The following ARHGEF11 variants were observed in gnomAD, a reference collection of about 807,000 sequenced individuals.
The protein encoded by ARHGEF11 is Rho guanine exchange factor (GEF) 11.
Under a neutral mutation model 193.7 loss-of-function variants are expected in ARHGEF11, and 55 were observed. That is an observed-to-expected ratio of 0.28 (90% CI 0.23 to 0.36). The LOEUF is 0.36. Ranked by LOEUF, ARHGEF11 falls within the 10% of genes least tolerant of loss-of-function variation. ARHGEF11 has a pLI of 1.00. For missense variants in ARHGEF11, 1,723 were observed against 2,005.6 expected (o/e 0.86, Z 2.69); for synonymous variants, 693 against 768.0 (o/e 0.90, Z 1.62).
intron 4 of ARHGEF11, 78 bp downstream of exon 4, chr1:156,980,359 A>G: frequency 1.3e-6 from 2 of 1,527,794 alleles, no homozygotes; most frequent in Non-Finnish European, 1.8e-6. Flanking sequence ...GAAAGTGTGC[A>G]GGATGGGCCA....
In ARHGEF11 at chr1:157,045,234, C is replaced by A. The variant is rs3806422; in HGVS notation, c.-904G>T. The A allele has an allele frequency of 0.18, 27,120 of 152,114 alleles. 2,993 individuals are homozygous for A. The highest frequency in any genetic ancestry group is 0.43 in the East Asian group (2,232 of 5,166). The allele number at this position is 152,114 out of a possible 1,614,324, so 9.4% of individuals were successfully genotyped here. ...TTGCAGGTTCCTCCACCTACCCCAG[C>A]CTGATTCTCAGACCCAGCCTACGTT... On this transcript the variant is annotated 5_prime_UTR_variant, in exon 1 of 41. Coordinates refer to ENST00000368194, the MANE Select transcript of ARHGEF11 (RefSeq NM_198236.3).
chr1:157,012,260 T>C (rs1008189882), intron 1 of ARHGEF11, among the ~76,000 whole-genome samples: 4 of 152,176 alleles, frequency 2.6e-5, no homozygotes, highest in Non-Finnish European at 4.4e-5. Flanking sequence ...AATCCATGTA[T>C]GTGAAATATT....
chr1:156,999,242 C>T (rs1333557681), intron 1 of ARHGEF11, among the ~76,000 whole-genome samples: 3 of 152,058 alleles, frequency 2.0e-5, no homozygotes, highest in African/African-American at 4.8e-5. Context: ...TTTTCCTTTA[C>T]GGATAAGGAA....
chr1:156,952,355 A>T (rs962295369), intron 21 of ARHGEF11, among the ~76,000 whole-genome samples: 1 of 152,144 alleles, frequency 6.6e-6, no homozygotes, highest in Non-Finnish European at 1.5e-5. Flanking sequence ...TAGAGTGAAA[A>T]GGCACAGGTA....
At chr1:156,951,342 A>G (rs1195438531) in intron 22 of ARHGEF11, among the ~76,000 whole-genome samples, 1 of 152,188 alleles carries the variant, frequency 6.6e-6, no homozygotes, top group Non-Finnish European at 1.5e-5. Flanking sequence ...GGGAATTTGA[A>G]AAGTGTGTAG....
At chr1:156,997,945 C>T (rs1441170270) in intron 1 of ARHGEF11, among the ~76,000 whole-genome samples, 2 of 151,998 alleles carry the variant, frequency 1.3e-5, no homozygotes, top group African/African-American at 4.8e-5. Flanking sequence ...CCTCCTTTGG[C>T]CACAGCTGCA....
intron 21 of ARHGEF11, among the ~76,000 whole-genome samples, chr1:156,953,048 C>T (rs1411460778): frequency 6.6e-6 from 1 of 152,240 alleles, no homozygotes; most frequent in African/African-American, 2.4e-5. Flanking sequence ...TAGAGTTATA[C>T]CTTAGCTGTG....
rs775939790 is a variant in ARHGEF11, at chr1:156,937,419, G to T, written c.4270C>A (p.Pro1424Thr). ...CCTGCAGGGAGGCTGTCAGGCTGAG[G>T]GGGGCTCATGGGTGCCTCTGAGTGG... is the stretch of plus-strand genomic sequence containing the variant. ...TDHSEAPMSP[P>T]QPDSLPAGQT... Residue 1424 changes from proline (P) to threonine (T), a missense_variant, in exon 39 of 41, where the codon CCT becomes ACT. By Grantham distance (38) the Pro-to-Thr change is conservative. This residue lies in a region of ARHGEF11 where 360 missense variants were observed against 344.4 expected (regional missense o/e 1.05). Coordinates refer to ENST00000368194, the MANE Select transcript of ARHGEF11 (RefSeq NM_198236.3). 22 of 1,581,182 alleles carry T rather than the reference G, an allele frequency of 1.4e-5. No individual in the cohort carries two copies. Among genetic ancestry groups the T allele is most frequent in the Non-Finnish European group, 1.8e-5 (21 of 1,165,726 alleles).
intron 1 of ARHGEF11, among the ~76,000 whole-genome samples, chr1:157,000,315 T>G (rs1314284203): frequency 6.6e-6 from 1 of 152,216 alleles, no homozygotes; most frequent in Non-Finnish European, 1.5e-5. Context: ...TAAGTAAATA[T>G]GTTCTGAAGT....
rs749281621 is a variant in ARHGEF11 at position 156,956,528 on chromosome 1, G to A, written c.1563C>T (p.Ser521=). Residue 521 remains serine, a synonymous_variant, in exon 19 of 41, where the codon AGC becomes AGT. Coordinates refer to ENST00000368194, the MANE Select transcript of ARHGEF11 (RefSeq NM_198236.3). ...PMDFALNTYM[S]HAGIRLREAR... ...CCTCTCGAAGACGGATCCCAGCATG[G>A]CTCATGTAGGTATTGAGGGCGAAGT... is the stretch of plus-strand genomic sequence containing the variant. 14 of 1,614,166 alleles carry A rather than the reference G, an allele frequency of 8.7e-6. No individual in the cohort carries two copies. The highest frequency in any genetic ancestry group is 1.0e-5 in the Non-Finnish European group (12 of 1,180,030).
rs528956880 is a variant in ARHGEF11, at chr1:156,944,158, G to A, written c.3068-56C>T. On this transcript the variant is annotated intron_variant, in intron 31 of 40. Transcript: ENST00000368194. ...CCTGGTGCCTACTCATCCCTCATGA[G>A]CACAATGCAGGGCCACAGGCTCTTG... 1.1e-5 allele frequency: 17 copies of A among 1,584,082 alleles called. No homozygotes were observed. In the East Asian group the frequency reaches 3.1e-4, roughly 29 times the overall value.
Position 156,935,428 on chromosome 1 carries a change from C to G in ARHGEF11, c.*572G>C, listed in dbSNP as rs1294735669. 3.3e-5 allele frequency: 5 copies of G among 152,268 alleles called. No homozygotes were observed. The allele number at this position is 152,268 out of a possible 1,614,324, so 9.4% of individuals were successfully genotyped here. On this transcript the variant is annotated 3_prime_UTR_variant, in exon 41 of 41. Transcript: ENST00000368194. The stretch of plus-strand genomic sequence containing the variant: ...TAACTAAGGAGATACAAGTGAAACC[C>G]CTCTTCCCTAAGCAGCTCCTTCCAT...
At chr1:156,980,563 C>T in intron 3 of ARHGEF11, 77 bp from the exon 4 acceptor site, 2 of 1,477,008 alleles carry the variant, frequency 1.4e-6, no homozygotes. Flanking sequence ...TGTCAGATCA[C>T]CTCTCCTCTG....
At chr1:156,965,898 C>G (rs938700051) in intron 11 of ARHGEF11, among the ~76,000 whole-genome samples, 1 of 152,166 alleles carries the variant, frequency 6.6e-6, no homozygotes, top group African/African-American at 2.4e-5. Context: ...TAAGTCCTCC[C>G]CTAAGATGCC....
intron 29 of ARHGEF11, 43 bp from the exon 30 acceptor site, chr1:156,945,240 G>A (rs1409040147): frequency 1.3e-6 from 2 of 1,591,134 alleles, no homozygotes; most frequent in East Asian, 4.5e-5. Context: ...TCCTGCCTGA[G>A]AAGTCCAACA....
At chr1:156,942,851 T>C in intron 32 of ARHGEF11, 71 bp from the exon 33 acceptor site, 1 of 1,324,132 alleles carries the variant, frequency 7.6e-7, no homozygotes, top group Non-Finnish European at 1.1e-6. Context: ...TGGGCCAGGG[T>C]GACAGAGTGG....
At chr1:156,980,940 G>A (rs545100381) in intron 3 of ARHGEF11, among the ~76,000 whole-genome samples, 5 of 151,720 alleles carry the variant, frequency 3.3e-5, no homozygotes, top group Admixed American at 3.3e-4. Flanking sequence ...TAAGTCCTGA[G>A]AGGTTCATAA....
At chr1:156,953,969 A>G (rs1659508560) in intron 21 of ARHGEF11, among the ~76,000 whole-genome samples, 1 of 152,334 alleles carries the variant, frequency 6.6e-6, no homozygotes, top group African/African-American at 2.4e-5. Flanking sequence ...TGAAGGGCTT[A>G]AGTAGATGAT....
At chr1:156,947,084 G>T in intron 26 of ARHGEF11, 69 bp from the exon 27 acceptor site, 2 of 1,584,326 alleles carry the variant, frequency 1.3e-6, no homozygotes, top group Non-Finnish European at 1.7e-6. Flanking sequence ...TTCTGACAGA[G>T]AGAAGTGAAT....
Sources: allele counts gnomAD v4.1 joint callset (sites outside exome capture counted in the v4.1 genomes callset), GRCh38; gene constraint gnomAD v4.1.1; regional missense constraint gnomAD v4.1.1; transcripts MANE v1.5; gene names NCBI Gene and HGNC (gene_info 2026-07-23, HGNC 2026-07-21).